The following MYH6 variants were observed in gnomAD, a reference collection of about 807,000 sequenced individuals.
The protein encoded by MYH6 is myosin-6.
Under a neutral mutation model 223.2 loss-of-function variants are expected in MYH6, and 126 were observed. The ratio of observed to expected loss-of-function variants is 0.56; its 90% confidence interval spans 0.49 to 0.65. The LOEUF is 0.65. MYH6 is among the 30% of genes least tolerant of loss of function. MYH6 has a pLI of 0.00. For missense variants in MYH6, 2,040 were observed against 2,536.4 expected, an observed-to-expected ratio of 0.80 and a Z score of 4.20; for synonymous variants, 978 against 1,010.2, an observed-to-expected ratio of 0.97 and a Z score of 0.61.
rs750433126 is a variant in MYH6 at position 23,403,359 on chromosome 14, G to A, written c.887C>T (p.Pro296Leu). ...GCAGGCAGGTTCACCCAGCAACTCC[G>A]GCTTCTTGTTGGACAGAATCTGGTA... is the stretch of plus-strand genomic sequence containing the variant. ...IFYQILSNKK[P>L]ELLDMLLVTN... Residue 296 changes from proline (P) to leucine (L), a missense_variant, in exon 10 of 39, where the codon CCG becomes CTG. This residue lies in a region of MYH6 where 649 missense variants were observed against 877.3 expected (regional missense o/e 0.74). Transcript: ENST00000405093. 3 of 1,613,918 alleles carry A rather than the reference G, an allele frequency of 1.9e-6. No individual in the cohort carries two copies. Among genetic ancestry groups the A allele is most frequent in the African/African-American group, 1.3e-5 (1 of 74,902 alleles).
intron 20 of MYH6, 113 bp downstream of exon 20, chr14:23,396,171 C>A: frequency 1.5e-6 from 2 of 1,357,596 alleles, no homozygotes; most frequent in Non-Finnish European, 1.0e-6. Context: ...GGTAAAGTAA[C>A]TTGCCCAGGC....
At position 23,386,297 on chromosome 14, in the gene MYH6, C is replaced by A; in HGVS notation, c.4959+18G>T. On this transcript the variant is annotated intron_variant, in intron 33 of 38. Coordinates refer to ENST00000405093, the MANE Select transcript of MYH6 (RefSeq NM_002471.4). Reference sequence around the variant, plus strand: ...CATGGAGGCCAGTCCCCTGAGGGGACCTCCCGCCCCCATGTACCTTCAGCA... The same window carrying A: ...CATGGAGGCCAGTCCCCTGAGGGGAACTCCCGCCCCCATGTACCTTCAGCA... 3 of 1,614,106 alleles carry A rather than the reference C, an allele frequency of 1.9e-6. No individual in the cohort carries two copies. The highest frequency in any genetic ancestry group is 2.5e-6 in the Non-Finnish European group (3 of 1,180,038).
At chr14:23,402,127 T>A (rs1891620170) in intron 12 of MYH6, among the ~76,000 whole-genome samples, 2 of 152,218 alleles carry the variant, frequency 1.3e-5, no homozygotes, top group Admixed American at 1.3e-4. Flanking sequence ...CAACATGGTA[T>A]GAGCCCACGA....
rs1343152520 is a variant in MYH6, at chr14:23,403,429, G to T, written c.817C>A (p.Arg273=). Residue 273 remains arginine (R), a synonymous_variant, in exon 10 of 39, where the codon CGG becomes AGG. Transcript: ENST00000405093. ...TCAGCTTTCAGCTGGAAGATCACCC[G>T]GGACTTCTCCAGCAGGTCTGAGGTG... ...DIETYLLEKS[R]VIFQLKAERN... 1 of 1,613,922 alleles carries T rather than the reference G, an allele frequency of 6.2e-7. No homozygotes were observed. The highest frequency in any genetic ancestry group is 1.3e-5 in the African/African-American group (1 of 74,882).
rs544906053 is a variant in MYH6 at position 23,408,161 on chromosome 14, T to A, written c.-47+92A>T. On this transcript the variant is annotated intron_variant, in intron 1 of 38. Coordinates refer to ENST00000405093, the MANE Select transcript of MYH6 (RefSeq NM_002471.4). ...TTAATAGAGCCCTTAGGCCTCCAAC[T>A]GACCTGCACCCCACTCCTGGTGAAG... 3.4e-5 allele frequency: 31 copies of A among 899,566 alleles called. No individual in the cohort carries two copies. The African/African-American group carries it at 5.6e-4, about 16-fold the overall frequency. 55.7% of individuals were successfully genotyped at this position (899,566 alleles called of 1,614,324 possible).
At chr14:23,390,640 G>A (rs1417704927) in intron 25 of MYH6, among the ~76,000 whole-genome samples, 194 bp from the exon 26 acceptor site, 1 of 152,150 alleles carries the variant, frequency 6.6e-6, no homozygotes, top group Non-Finnish European at 1.5e-5. Context: ...GGCATCTAGA[G>A]GGTAGGGGCC....
At chr14:23,397,937 C>CTTCTTCTTCTTCTTCTTCTTCTTT (rs1891456802) in intron 15 of MYH6, among the ~76,000 whole-genome samples, 5 of 60,448 alleles carry the variant, frequency 8.3e-5, no homozygotes, top group Non-Finnish European at 1.4e-4. Context: ...TCCTCCTCTT[C>CTTCTTCTTCTTCTTCTTCTTCTTT]TTCTTCTTCT....
intron 25 of MYH6, among the ~76,000 whole-genome samples, chr14:23,392,207 C>CTT (rs200757604): frequency 7.0e-6 from 1 of 143,600 alleles, no homozygotes; most frequent in Non-Finnish European, 1.5e-5. Flanking sequence ...TCCTTGAAGC[C>CTT]TTTTTTTTTT....
intron 15 of MYH6, 60 bp from the exon 16 acceptor site, chr14:23,397,673 G>A (rs1483529760): frequency 6.4e-7 from 1 of 1,554,234 alleles, no homozygotes; most frequent in African/African-American, 1.4e-5. Flanking sequence ...CCCTTGGGCA[G>A]AGGCAGAGCT....
rs769071112 is a variant in MYH6, at chr14:23,382,033, G to A, written c.*7C>T. 2 of 1,614,194 alleles carry A rather than the reference G, an allele frequency of 1.2e-6. No homozygotes were observed. Among genetic ancestry groups the A allele is most frequent in the South Asian group, 2.2e-5 (2 of 91,078 alleles). On this transcript the variant is annotated 3_prime_UTR_variant, in exon 39 of 39. Coordinates refer to ENST00000405093, the MANE Select transcript of MYH6 (RefSeq NM_002471.4). ...AGGTTGGCAAGAGTGAGGTTCCCGAGGCAGTGTCACTCCTCATCGTGCATT... is the reference window on the plus strand; with the variant it reads ...AGGTTGGCAAGAGTGAGGTTCCCGAAGCAGTGTCACTCCTCATCGTGCATT...
rs1360452748 is a variant in MYH6, at chr14:23,385,040, T to C, written c.5165A>G (p.Asn1722Ser). 1 of 1,614,110 alleles carries C rather than the reference T, an allele frequency of 6.2e-7. No homozygotes were observed. The highest frequency in any genetic ancestry group is 1.3e-5 in the African/African-American group (1 of 74,950). The change falls in exon 35 of 39, where the codon AAC becomes AGC. Residue 1722 changes from asparagine to serine, a missense_variant and splice_region_variant. Asn to Ser is a conservative substitution (Grantham distance 46). This residue lies in a region of MYH6 where 1,203 missense variants were observed against 1,400.2 expected (regional missense o/e 0.86). Transcript: ENST00000405093. ...CTTCTTCTGGTTGATGAGGCTGGTGTTCTAGACATGGAGAGAGAAAAATGA... is the reference window on the plus strand; with the variant it reads ...CTTCTTCTGGTTGATGAGGCTGGTGCTCTAGACATGGAGAGAGAAAAATGA... Reference protein sequence around the residue: ...SERVQLLHSQNTSLINQKKKM... With the variant: ...SERVQLLHSQSTSLINQKKKM...
At chr14:23,390,683 G>A (rs1849917000) in intron 25 of MYH6, among the ~76,000 whole-genome samples, 1 of 152,108 alleles carries the variant, frequency 6.6e-6, no homozygotes, top group African/African-American at 2.4e-5. Context: ...TAATGCATAG[G>A]CCATCAATAG....
At chr14:23,403,618 A>T in intron 9 of MYH6, 97 bp downstream of exon 9, 1 of 1,296,662 alleles carries the variant, frequency 7.7e-7, no homozygotes, top group Non-Finnish European at 1.1e-6. Context: ...AAATGCAGAC[A>T]AAACAGGAGA....
chr14:23,406,396 G>C (rs1225184058), intron 3 of MYH6, among the ~76,000 whole-genome samples: 1 of 152,144 alleles, frequency 6.6e-6, no homozygotes, highest in Non-Finnish European at 1.5e-5. Flanking sequence ...GGCAGAGCTG[G>C]GATCAGAGTC....
intron 16 of MYH6, 86 bp from the exon 17 acceptor site, chr14:23,397,343 A>G (rs1019636571): frequency 7.2e-7 from 1 of 1,394,414 alleles, no homozygotes; most frequent in South Asian, 1.2e-5. Flanking sequence ...ACTCTCCACC[A>G]GAATCATCAA....
chr14:23,392,734 C>T (rs1891271547), intron 24 of MYH6, 82 bp from the exon 25 acceptor site: 1 of 1,446,772 alleles, frequency 6.9e-7, no homozygotes, highest in Non-Finnish European at 9.7e-7. Flanking sequence ...CCTTAGTATG[C>T]CAGAATCGGC....
At chr14:23,402,157 G>A (rs762977377) in intron 12 of MYH6, among the ~76,000 whole-genome samples, 5 of 152,222 alleles carry the variant, frequency 3.3e-5, no homozygotes, top group Non-Finnish European at 5.9e-5. Context: ...CCAAGGGCTG[G>A]GCAGGCAAAG....
At chr14:23,389,777 G>C in intron 26 of MYH6, 58 bp from the exon 27 acceptor site, 1 of 1,613,612 alleles carries the variant, frequency 6.2e-7, no homozygotes, top group Non-Finnish European at 8.5e-7. Flanking sequence ...ACCAGAGGAA[G>C]GAAGAGAGGG....
chr14:23,399,048 G>T lies in MYH6; in HGVS notation c.1582-11C>A. The T allele has an allele frequency of 6.2e-7, 1 of 1,613,940 alleles. No individual in the cohort carries two copies. The highest frequency in any genetic ancestry group is 1.1e-5 in the South Asian group (1 of 91,070). On this transcript the variant is annotated splice_polypyrimidine_tract_variant and intron_variant, in intron 14 of 38. Transcript: ENST00000405093. Reference sequence around the variant, plus strand: ...CATGATGCCCATGGGCTGAGGGCAGGGTGAAGAGGCAAAGAGAGAATCACT... The same window carrying T: ...CATGATGCCCATGGGCTGAGGGCAGTGTGAAGAGGCAAAGAGAGAATCACT...
Sources: allele counts gnomAD v4.1 joint callset (sites outside exome capture counted in the v4.1 genomes callset), GRCh38; gene constraint gnomAD v4.1.1; regional missense constraint gnomAD v4.1.1; transcripts MANE v1.5; gene names NCBI Gene and HGNC (gene_info 2026-07-23, HGNC 2026-07-21).